The following FURIN variants were observed in gnomAD, a reference collection of about 807,000 sequenced individuals.
The protein encoded by FURIN is furin, paired basic amino acid cleaving enzyme, also known as FES upstream region.
Under a neutral mutation model 89.2 loss-of-function variants are expected in FURIN, and 18 were observed. That is an observed-to-expected ratio of 0.20 (90% CI 0.14 to 0.30). The LOEUF (loss-of-function observed/expected upper bound fraction) is 0.30, where lower values mean the gene tolerates loss of function less well. Ranked by LOEUF, FURIN falls within the 10% of genes least tolerant of loss-of-function variation. The pLI, the probability that FURIN is intolerant of heterozygous loss-of-function variation, is 1.00. For missense variants in FURIN, 879 were observed against 1,100.5 expected (o/e 0.80, Z 2.85); for synonymous variants, 508 against 466.4 (o/e 1.09, Z -1.15).
At position 90,881,317 on chromosome 15, in the gene FURIN, G is replaced by C. The variant is rs1162293488; in HGVS notation, c.1824G>C (p.Lys608Asn). 1 of 1,607,676 alleles carries C rather than the reference G, an allele frequency of 6.2e-7. No individual in the cohort carries two copies. The highest frequency in any genetic ancestry group is 1.3e-5 in the African/African-American group (1 of 74,750). Residue 608 changes from lysine to asparagine, a missense_variant, in exon 16 of 16, where the codon AAG becomes AAC. By Grantham distance (94) the Lys-to-Asn change is moderately conservative. Transcript: ENST00000268171. This position sits in a 1 kb window ranked among gnomAD's most constrained non-coding sequence, Gnocchi z 4.3. ...AGGAAGGCTTCTCCCTGCACCAGAA[G>C]AGCTGTGTCCAGCACTGCCCTCCAG... ...VCEEGFSLHQ[K>N]SCVQHCPPGF...
intron 1 of FURIN, among the ~76,000 whole-genome samples, chr15:90,872,181 G>T (rs892868291): frequency 7.9e-5 from 12 of 151,610 alleles, no homozygotes; most frequent in Non-Finnish European, 1.0e-4. Flanking sequence ...CACCTGTGCG[G>T]CCAGGACTCG....
intron 1 of FURIN, among the ~76,000 whole-genome samples, chr15:90,868,984 G>A (rs2031164469): frequency 6.6e-6 from 1 of 152,186 alleles, no homozygotes; most frequent in African/African-American, 2.4e-5. Context: ...AGAGATTTCA[G>A]AGAAGACTCC....
intron 1 of FURIN, among the ~76,000 whole-genome samples, chr15:90,874,164 G>T (rs2031475834): frequency 6.6e-6 from 1 of 152,234 alleles, no homozygotes; most frequent in African/African-American, 2.4e-5. Flanking sequence ...TTCCTCCAGG[G>T]CCTTGGCTTC....
At chr15:90,872,016 C>G (rs1008755619) in intron 1 of FURIN, among the ~76,000 whole-genome samples, 2 of 151,432 alleles carry the variant, frequency 1.3e-5, no homozygotes, top group African/African-American at 2.4e-5. Context: ...GAAAATTCCG[C>G]AGGCGCCGGG....
chr15:90,877,728 C>A, intron 7 of FURIN, 113 bp downstream of exon 7: 1 of 754,416 alleles, frequency 1.3e-6, no homozygotes, highest in Non-Finnish European at 2.2e-6. Flanking sequence ...ATCCTTTGAT[C>A]ACGTGGCTGT....
rs577782532 is a variant in FURIN, at chr15:90,876,574, G to A, written c.372+17G>A. ...TGGTACCTGGTACGTGGCCTTCTTC[G>A]CTGCTGGGACCTCCTCCCCAGATGC... On this transcript the variant is annotated intron_variant, in intron 4 of 15. Coordinates refer to ENST00000268171, the MANE Select transcript of FURIN (RefSeq NM_002569.4). This position sits in a 1 kb window ranked among gnomAD's most constrained non-coding sequence, Gnocchi z 5.0. The A allele has an allele frequency of 2.3e-5, 36 of 1,537,728 alleles. No individual in the cohort carries two copies. The highest frequency in any genetic ancestry group is 2.6e-5 in the Non-Finnish European group (29 of 1,111,048).
In FURIN at chr15:90,881,135, AGAG is replaced by A. The variant is rs1390695148; in HGVS notation, c.1792+96_1792+98del. 6 of 1,159,350 alleles carry A rather than the reference AGAG, an allele frequency of 5.2e-6. No homozygotes were observed. The Admixed American group carries it at 5.6e-5, about 11-fold the overall frequency. 71.8% of individuals were successfully genotyped at this position (1,159,350 alleles called of 1,614,324 possible). ...CCAGCTCTAACAGAAAAAAGTCTCA[AGAG>A]ACCTAGGGCCCCTGGGGCTCTTGGG... On this transcript the variant is annotated intron_variant, in intron 15 of 15. Coordinates refer to ENST00000268171, the MANE Select transcript of FURIN (RefSeq NM_002569.4). The surrounding 1 kb of genome is among the most constrained non-coding windows in gnomAD (Gnocchi z 4.3).
intron 1 of FURIN, among the ~76,000 whole-genome samples, chr15:90,870,049 T>C (rs1162170534): frequency 6.6e-6 from 1 of 152,238 alleles, no homozygotes; most frequent in East Asian, 1.9e-4. Context: ...ACTGGACTTA[T>C]CTTCCCGCTC....
chr15:90,881,095 T>A lies in FURIN; in HGVS notation c.1792+55T>A. 1 of 1,360,290 alleles carries A rather than the reference T, an allele frequency of 7.4e-7. No homozygotes were observed. The allele number at this position is 1,360,290 out of a possible 1,614,324, so 84.3% of individuals were successfully genotyped here. The stretch of plus-strand genomic sequence containing the variant: ...GGCCTGAGTCTGGGGGTAAGGCGGG[T>A]GCCTGTCCTGAAGCCCAGCTCTAAC... On this transcript the variant is annotated intron_variant, in intron 15 of 15. Transcript: ENST00000268171. The surrounding 1 kb of genome is among the most constrained non-coding windows in gnomAD (Gnocchi z 4.3).
At position 90,881,771 on chromosome 15, in the gene FURIN, A is replaced by G; in HGVS notation, c.2278A>G (p.Lys760Glu). The change falls in exon 16 of 16, where the codon AAG (lysine) becomes GAG (glutamate). Residue 760 changes from lysine to glutamate, a missense_variant. Physicochemically the swap from Lys to Glu is moderately conservative, Grantham distance 56 (BLOSUM62 1). Transcript: ENST00000268171. This position sits in a 1 kb window ranked among gnomAD's most constrained non-coding sequence, Gnocchi z 4.3. ...CATGGACCGTGGCCTCATCTCCTACAAGGGGCTGCCCCCTGAAGCCTGGCA... is the reference window on the plus strand; with the variant it reads ...CATGGACCGTGGCCTCATCTCCTACGAGGGGCTGCCCCCTGAAGCCTGGCA... ...YTMDRGLISY[K>E]GLPPEAWQEE... is the part of the protein sequence containing the mutation. 1 of 1,612,822 alleles carries G rather than the reference A, an allele frequency of 6.2e-7. No individual in the cohort carries two copies. The highest frequency in any genetic ancestry group is 8.5e-7 in the Non-Finnish European group (1 of 1,179,482).
intron 1 of FURIN, among the ~76,000 whole-genome samples, chr15:90,874,870 T>C (rs1469915666): frequency 6.6e-6 from 1 of 152,204 alleles, no homozygotes; most frequent in Non-Finnish European, 1.5e-5. Context: ...TAAATATACA[T>C]GTATAAATAG....
chr15:90,873,627 A>G (rs1425584308), intron 1 of FURIN, among the ~76,000 whole-genome samples: 1 of 150,462 alleles, frequency 6.6e-6, no homozygotes, highest in Non-Finnish European at 1.5e-5. Flanking sequence ...TAAATGAGGG[A>G]CTTGGGGTGG....
chr15:90,877,869 C>T (rs2031723926), intron 7 of FURIN, among the ~76,000 whole-genome samples: 1 of 152,228 alleles, frequency 6.6e-6, no homozygotes, highest in Non-Finnish European at 1.5e-5. Flanking sequence ...CCTTGATCAC[C>T]AGGCTCTTTT....
chr15:90,880,653 C>T (rs773082170), intron 13 of FURIN, 38 bp from the exon 14 acceptor site: 13 of 1,581,954 alleles, frequency 8.2e-6, no homozygotes, highest in Admixed American at 3.6e-5. Context: ...CTTGGGGTCC[C>T]GCAGAGGCCT....
At chr15:90,875,987 C>A in intron 2 of FURIN, 70 bp downstream of exon 2, 1 of 1,343,274 alleles carries the variant, frequency 7.4e-7, no homozygotes, top group Non-Finnish European at 1.0e-6. Context: ...GGAGCAGGAG[C>A]TGTTGGCCTT....
At position 90,876,940 on chromosome 15, in the gene FURIN, G is replaced by T. The variant is rs2031664392; in HGVS notation, c.417G>T (p.Ala139=). 1 of 1,613,968 alleles carries T rather than the reference G, an allele frequency of 6.2e-7. No homozygotes were observed. The highest frequency in any genetic ancestry group is 8.5e-7 in the Non-Finnish European group (1 of 1,179,856). ...ACCTGAATGTGAAGGCGGCCTGGGC[G>T]CAGGGCTACACAGGGCACGGCATTG... is the stretch of plus-strand genomic sequence containing the variant. ...QRDLNVKAAW[A]QGYTGHGIVV... Residue 139 remains alanine, a synonymous_variant, in exon 5 of 16, where the codon GCG becomes GCT. Transcript: ENST00000268171. The surrounding 1 kb of genome is among the most constrained non-coding windows in gnomAD (Gnocchi z 5.0).
At chr15:90,878,453 G>C (rs1480835965) in intron 8 of FURIN, 149 bp downstream of exon 8, 1 of 742,444 alleles carries the variant, frequency 1.3e-6, no homozygotes, top group African/African-American at 1.8e-5. Context: ...AAGAAGAGTA[G>C]AGTGCATATA....
chr15:90,874,024 G>A (rs937708509), intron 1 of FURIN, among the ~76,000 whole-genome samples: 3 of 152,168 alleles, frequency 2.0e-5, no homozygotes, highest in African/African-American at 7.2e-5. Flanking sequence ...CTTCCTTTTG[G>A]TATCCGGCAG....
chr15:90,872,036 C>T lies in FURIN; in HGVS notation c.-160+3325C>T, dbSNP rs566643944. On this transcript the variant is annotated intron_variant, in intron 1 of 15. Transcript: ENST00000268171. ...TTCCGCAGGCGCCGGGTGCTCCAGC[C>T]TCCCCGCCGCCACCGGGGCTGCCGC... Among the ~76,000 whole-genome samples the T allele has an allele frequency of 7.7e-4, 116 of 151,552 alleles. 2 individuals carry two copies. Among genetic ancestry groups the T allele is most frequent in the African/African-American group, 2.7e-3 (112 of 41,420 alleles).
Sources: allele counts gnomAD v4.1 joint callset (sites outside exome capture counted in the v4.1 genomes callset), GRCh38; gene constraint gnomAD v4.1.1; non-coding constraint Gnocchi (gnomAD v3.1); transcripts MANE v1.5; gene names NCBI Gene and HGNC (gene_info 2026-07-23, HGNC 2026-07-21).